The following PCDHA4 variants were observed in gnomAD, a reference collection of about 807,000 sequenced individuals.
PCDHA4 encodes the protein protocadherin alpha 4.
A neutral mutation model predicts 61.4 loss-of-function variants in PCDHA4; 49 were observed. That is an observed-to-expected ratio of 0.80 (90% confidence interval 0.63 to 1.01). The LOEUF (loss-of-function observed/expected upper bound fraction) is 1.01, where lower values mean the gene tolerates loss of function less well. Ranked by LOEUF, PCDHA4 falls within the 50% of genes least tolerant of loss-of-function variation. The pLI is 0.00. For synonymous variants in PCDHA4, 590 were observed against 550.3 expected (o/e 1.07, Z -1.01); for missense variants, 1,254 against 1,235.8 (o/e 1.01, Z -0.22).
rs7702779 is a variant in PCDHA4 at position 140,808,438 on chromosome 5, C to A, written c.1251C>A (p.Ser417Arg). ...LVLDSALDRE[S>R]VSAYELVVTA... ...TGGACAGTGCCCTGGACCGCGAGAGCGTGTCAGCCTATGAGCTGGTGGTGA... is the reference window on the plus strand; with the variant it reads ...TGGACAGTGCCCTGGACCGCGAGAGAGTGTCAGCCTATGAGCTGGTGGTGA... Residue 417 changes from serine (S) to arginine (R), a missense_variant, in exon 1 of 4, where the codon AGC becomes AGA. Transcript: ENST00000530339. The A allele has an allele frequency of 2.5e-6, 4 of 1,614,044 alleles. No homozygotes were observed. Among genetic ancestry groups the A allele is most frequent in the Non-Finnish European group, 3.4e-6 (4 of 1,180,058 alleles).
rs563698448 is a variant in PCDHA4 at position 140,899,116 on chromosome 5, T to G, written c.2386-79833T>G. On this transcript the variant is annotated intron_variant, in intron 1 of 3. Transcript: ENST00000530339. ...CTGAGATAATGGGGTTTTCTAGATA[T>G]ACAATCATGTCTTCTGCAAACAGGG... 5.8e-3 allele frequency among the ~76,000 whole-genome samples: 880 copies of G among 152,244 alleles called. 11 individuals are homozygous for G. Among genetic ancestry groups the G allele is most frequent in the African/African-American group, 0.019 (802 of 41,486 alleles).
In PCDHA4 at chr5:140,808,625, T is replaced by C. The variant is rs115173372; in HGVS notation, c.1438T>C (p.Trp480Arg). The C allele has an allele frequency of 7.4e-6, 12 of 1,613,538 alleles. No homozygotes were observed. Among genetic ancestry groups the C allele is most frequent in the East Asian group, 2.2e-5 (1 of 44,890 alleles). The change falls in exon 1 of 4, where the codon TGG (tryptophan) becomes CGG (arginine). Residue 480 changes from tryptophan (W) to arginine (R), a missense_variant. Transcript: ENST00000530339. ...PGCHIFTVSA[W>R]DADAQENALV... ...CTGCCACATCTTCACTGTGTCTGCGTGGGACGCGGACGCGCAGGAGAACGC... is the reference window on the plus strand; with the variant it reads ...CTGCCACATCTTCACTGTGTCTGCGCGGGACGCGGACGCGCAGGAGAACGC...
chr5:140,883,746 C>A (rs1554179687), intron 1 of PCDHA4: 1 of 1,613,326 alleles, frequency 6.2e-7, no homozygotes, highest in Non-Finnish European at 8.5e-7. Context: ...GTCTCCTACT[C>A]GCTGGTGGAG....
At position 140,863,948 on chromosome 5, in the gene PCDHA4, C is replaced by T. The variant is rs782241873; in HGVS notation, c.2385+54376C>T. On this transcript the variant is annotated intron_variant, in intron 1 of 3. Transcript: ENST00000530339. ...CCTAGGAGGCAGAGGTTGCGGTGAG[C>T]CTAGATTAGGCCACTGCACTACAGC... is the stretch of plus-strand genomic sequence containing the variant. 1.5e-3 allele frequency: 237 copies of T among 158,844 alleles called. 8 individuals carry two copies. The highest frequency in any genetic ancestry group is 2.3e-3 in the Admixed American group (40 of 17,122). 9.8% of individuals were successfully genotyped at this position (158,844 alleles called of 1,614,324 possible). A position where few individuals can be genotyped will look rare whatever the true frequency, so the allele number is the denominator to read the frequency against.
chr5:140,875,752 A>G lies in PCDHA4; in HGVS notation c.2385+66180A>G, dbSNP rs782489258. On this transcript the variant is annotated intron_variant, in intron 1 of 3. Transcript: ENST00000530339. ...TGTGAATTCTCGGATCGACCGCGAGAAGCTGTGCGGGCGGAGCGCGGAGTG... is the reference window on the plus strand; with the variant it reads ...TGTGAATTCTCGGATCGACCGCGAGGAGCTGTGCGGGCGGAGCGCGGAGTG... 53 of 1,614,084 alleles carry G rather than the reference A, an allele frequency of 3.3e-5. No homozygotes were observed. The highest frequency in any genetic ancestry group is 3.2e-4 in the African/African-American group (24 of 74,918).
At chr5:140,855,048 A>G (rs2043321235) in intron 1 of PCDHA4, among the ~76,000 whole-genome samples, 1 of 149,960 alleles carries the variant, frequency 6.7e-6, no homozygotes, top group Admixed American at 6.7e-5. Flanking sequence ...CTGTAATAGT[A>G]CTTTTCTGTT....
At chr5:140,815,792 G>A (rs1320441539) in intron 1 of PCDHA4, 1 of 152,094 alleles carries the variant, frequency 6.6e-6, no homozygotes, top group African/African-American at 2.4e-5. Context: ...TTCAGCTTTT[G>A]TTTAACTGGG....
chr5:140,954,845 C>T (rs1479368081), intron 1 of PCDHA4, among the ~76,000 whole-genome samples: 2 of 152,140 alleles, frequency 1.3e-5, no homozygotes, highest in African/African-American at 4.8e-5. Context: ...AAATCTTTGC[C>T]TGTGCCTATG....
chr5:140,876,020 A>G, intron 1 of PCDHA4: 2 of 1,613,802 alleles, frequency 1.2e-6, no homozygotes, highest in South Asian at 1.1e-5. Flanking sequence ...CTTAAAATAA[A>G]AACAAAAAAA....
Position 140,856,935 on chromosome 5 carries a change from A to G in PCDHA4, c.2385+47363A>G, listed in dbSNP as rs1554149306. 4 of 1,594,120 alleles carry G rather than the reference A, an allele frequency of 2.5e-6. 1 individual carries two copies. The African/African-American group carries it at 5.4e-5, about 21-fold the overall frequency. ...ATAAGAAGGAAATTTTGGATAAACGAAAGGACGGGAGAAATAAAAGTAAAT... is the reference window on the plus strand; with the variant it reads ...ATAAGAAGGAAATTTTGGATAAACGGAAGGACGGGAGAAATAAAAGTAAAT... On this transcript the variant is annotated intron_variant, in intron 1 of 3. Transcript: ENST00000530339.
At chr5:140,965,911 G>C (rs1476309026) in intron 1 of PCDHA4, among the ~76,000 whole-genome samples, 1 of 152,206 alleles carries the variant, frequency 6.6e-6, no homozygotes, top group African/African-American at 2.4e-5. Context: ...CCAGGATGCT[G>C]GTTTTAGGCT....
In PCDHA4 at chr5:140,808,125, G is replaced by A. The variant is rs1554124422; in HGVS notation, c.938G>A (p.Ser313Asn). 1.2e-6 allele frequency: 2 copies of A among 1,614,044 alleles called. No homozygotes were observed. The highest frequency in any genetic ancestry group is 2.2e-5 in the East Asian group (1 of 44,892). ...AAGGGATATATTGACTTTGAAGAAA[G>A]CAAATCCTATGAAATTATTGTAGAG... ...IVKGYIDFEE[S>N]KSYEIIVEGI... The change falls in exon 1 of 4, where the codon AGC becomes AAC. Residue 313 changes from serine (S) to asparagine (N), a missense_variant. Transcript: ENST00000530339.
chr5:140,861,923 A>G (rs898939301), intron 1 of PCDHA4: 1 of 153,990 alleles, frequency 6.5e-6, no homozygotes, highest in African/African-American at 2.4e-5. Flanking sequence ...GCTGGATGTA[A>G]ATGATGATGC....
At chr5:140,817,592 C>T (rs1012738110) in intron 1 of PCDHA4, 1 of 152,152 alleles carries the variant, frequency 6.6e-6, no homozygotes, top group African/African-American at 2.4e-5. Flanking sequence ...TTAATAATTC[C>T]AGGCAACGCT....
chr5:140,924,902 A>AAT (rs2082141904), intron 1 of PCDHA4, among the ~76,000 whole-genome samples: 1 of 39,026 alleles, frequency 2.6e-5, no homozygotes, highest in African/African-American at 7.6e-5. Flanking sequence ...CTCAAAAAAA[A>AAT]AAATAAAATA....
chr5:140,967,641 T>C (rs2096165933), intron 1 of PCDHA4: 1 of 1,614,004 alleles, frequency 6.2e-7, no homozygotes, highest in East Asian at 2.2e-5. Context: ...AATGGTGAGC[T>C]CAGGTACTCC....
chr5:140,824,052 T>C, intron 1 of PCDHA4: 1 of 1,614,200 alleles, frequency 6.2e-7, no homozygotes, highest in Non-Finnish European at 8.5e-7. Flanking sequence ...GGGTGTGCTC[T>C]GGGGAAGCTC....
At chr5:140,835,977 C>G (rs2150249496) in intron 1 of PCDHA4, 1 of 1,613,352 alleles carries the variant, frequency 6.2e-7, no homozygotes, top group Admixed American at 1.7e-5. Context: ...GGAGCTGTTG[C>G]AGTTCCAGGT....
intron 1 of PCDHA4, chr5:140,858,026 G>A (rs2045118018): frequency 6.3e-7 from 1 of 1,597,020 alleles, no homozygotes; most frequent in Non-Finnish European, 8.6e-7. Context: ...GTCGCTGACG[G>A]CCACGGCCAC....
Sources: gnomAD v4.1 joint callset for allele counts (sites outside exome capture counted in the v4.1 genomes callset) on GRCh38, gnomAD v4.1.1 for gene constraint, MANE v1.5 for transcripts, NCBI Gene and HGNC (gene_info 2026-07-23, HGNC 2026-07-21) for gene names.